Variants in CCNF observed in about 807,000 individuals in gnomAD.
CCNF encodes the protein cyclin F.
A neutral mutation model predicts 85.4 loss-of-function variants in CCNF; 30 were observed. The ratio of observed to expected loss-of-function variants is 0.35; its 90% CI spans 0.26 to 0.48. CCNF has a LOEUF of 0.48. Among genes scored for constraint, CCNF ranks in the 20% least tolerant of loss-of-function variants. The probability of loss-of-function intolerance (pLI) is 0.99; values close to 1 mark genes in which losing one functional copy is unlikely to be tolerated. For synonymous variants in CCNF, 439 were observed against 425.1 expected (o/e 1.03, Z -0.40); for missense variants, 919 against 1,010.4 (o/e 0.91, Z 1.23).
chr16:2,455,057 C>CAAAAA (rs113432361), intron 15 of CCNF, among the ~76,000 whole-genome samples: 6 of 47,234 alleles, frequency 1.3e-4, no homozygotes, highest in Non-Finnish European at 2.7e-4. Context: ...AAGAACACCT[C>CAAAAA]AAAAAAAAAA....
At chr16:2,455,861 G>A (rs903652240) in intron 16 of CCNF, among the ~76,000 whole-genome samples, 2 of 152,254 alleles carry the variant, frequency 1.3e-5, no homozygotes, top group African/African-American at 4.8e-5. Flanking sequence ...GAGGGAGGCA[G>A]AGACCCTGTC....
intron 10 of CCNF, among the ~76,000 whole-genome samples, chr16:2,447,444 C>T (rs1017548886): frequency 5.9e-5 from 9 of 151,848 alleles, no homozygotes; most frequent in African/African-American, 2.2e-4. Context: ...ATTAGCTGGG[C>T]GTGGTGGTGC....
chr16:2,438,244 C>T, intron 6 of CCNF, 121 bp downstream of exon 6: 1 of 804,712 alleles, frequency 1.2e-6, no homozygotes, highest in Non-Finnish European at 2.2e-6. Context: ...AAGCCTTGCC[C>T]AGAAAGGCCT....
chr16:2,454,552 AC>A lies in CCNF; in HGVS notation c.1716-837del, dbSNP rs373303237. On this transcript the variant is annotated intron_variant, in intron 15 of 16. Coordinates refer to ENST00000397066, the MANE Select transcript of CCNF (RefSeq NM_001761.3). ...GGGTGACACTGGGATAGCTCTCTCC[AC>A]CCCCCGCCCTCCACCAGGCCCTGGG... Among the ~76,000 whole-genome samples the A allele has an allele frequency of 1.5e-4, 22 of 151,458 alleles. No individual in the cohort carries two copies. In the South Asian group the frequency reaches 4.2e-3, roughly 29 times the overall value.
In CCNF at chr16:2,457,527, C is replaced by T. The variant is rs753802130; in HGVS notation, c.*507C>T. On this transcript the variant is annotated 3_prime_UTR_variant, in exon 17 of 17. Transcript: ENST00000397066. ...CACCTCGGCCTGCATGGGGCACCCA[C>T]TTCCTTCTGGGTGGGGCTTCCATGG... 6.4e-6 allele frequency: 1 copy of T among 155,598 alleles called. No homozygotes were observed. Among genetic ancestry groups the T allele is most frequent in the Non-Finnish European group, 1.4e-5 (1 of 70,238 alleles). 9.6% of individuals were successfully genotyped at this position (155,598 alleles called of 1,614,324 possible). A position where few individuals can be genotyped will look rare whatever the true frequency, so the allele number is the denominator to read the frequency against.
Position 2,457,276 on chromosome 16 carries a change from G to A in CCNF, c.*256G>A. The A allele has an allele frequency of 2.4e-6, 1 of 420,812 alleles. No homozygotes were observed. The allele number at this position is 420,812 out of a possible 1,614,324, so 26.1% of individuals were successfully genotyped here. On this transcript the variant is annotated 3_prime_UTR_variant, in exon 17 of 17. Coordinates refer to ENST00000397066, the MANE Select transcript of CCNF (RefSeq NM_001761.3). ...AGCAGTTGGCCACACTGTGTGGAGG[G>A]CACCTCTCTGTCCCTTCCGTGTCTC...
rs2065296154 is a variant in CCNF, at chr16:2,437,238, C to T, written c.456C>T (p.Phe152=). 2 of 1,612,628 alleles carry T rather than the reference C, an allele frequency of 1.2e-6. No homozygotes were observed. Among genetic ancestry groups the T allele is most frequent in the Non-Finnish European group, 8.5e-7 (1 of 1,179,544 alleles). The change falls in exon 5 of 17, where the codon TTC becomes TTT. Residue 152 remains phenylalanine, a synonymous_variant. Coordinates refer to ENST00000397066, the MANE Select transcript of CCNF (RefSeq NM_001761.3). ...NVGAAPFIWL[F]IRPPWSVSGS... The stretch of plus-strand genomic sequence containing the variant: ...GTGCCGCACCTTTCATCTGGCTCTT[C>T]ATCCGCCCTCCGTGGTCGGTGAGCG...
intron 10 of CCNF, 97 bp from the exon 11 acceptor site, chr16:2,448,758 C>T: frequency 1.8e-6 from 2 of 1,106,886 alleles, no homozygotes; most frequent in South Asian, 1.5e-5. Flanking sequence ...CCATGGCTCC[C>T]TCCCTACCTT....
At chr16:2,455,772 C>T (rs944398689) in intron 16 of CCNF, among the ~76,000 whole-genome samples, 5 of 152,186 alleles carry the variant, frequency 3.3e-5, no homozygotes, top group Non-Finnish European at 5.9e-5. Flanking sequence ...CAGCTGCTCC[C>T]ACCACACAGG....
rs867216244 is a variant in CCNF at position 2,448,973 on chromosome 16, A to G, written c.1213A>G (p.Ile405Val). ...GEIVSALEGK[I>V]RVPTVVDYKE... is the part of the protein sequence containing the mutation. ...GATCGTCTCCGCCTTGGAAGGGAAG[A>G]TTCGAGTAAGCAGCGGTTCCATTTT... The change falls in exon 11 of 17, where the codon ATT (isoleucine) becomes GTT (valine). Residue 405 changes from isoleucine to valine, a missense_variant. Ile to Val is a conservative substitution (Grantham distance 29). Transcript: ENST00000397066. 6.2e-7 allele frequency: 1 copy of G among 1,610,906 alleles called. No homozygotes were observed. Among genetic ancestry groups the G allele is most frequent in the Non-Finnish European group, 8.5e-7 (1 of 1,178,126 alleles).
intron 3 of CCNF, among the ~76,000 whole-genome samples, chr16:2,433,425 G>A (rs191891396): frequency 1.8e-4 from 28 of 152,196 alleles, no homozygotes; most frequent in Admixed American, 1.2e-3. Flanking sequence ...ATCCTATAGC[G>A]TTTCACTCAC....
chr16:2,458,489 A>G lies in CCNF; in HGVS notation c.*1469A>G, dbSNP rs1326394343. 9.9e-5 allele frequency: 15 copies of G among 152,118 alleles called. No individual in the cohort carries two copies. Among genetic ancestry groups the G allele is most frequent in the Admixed American group, 9.8e-4 (15 of 15,284 alleles). 9.4% of individuals were successfully genotyped at this position (152,118 alleles called of 1,614,324 possible). A position where few individuals can be genotyped will look rare whatever the true frequency, so the allele number is the denominator to read the frequency against. ...AGTCTCGAACTCATGACCTCAAGTG[A>G]TCCGCCCACTTCGGTCTCCCAAAGT... On this transcript the variant is annotated 3_prime_UTR_variant, in exon 17 of 17. Coordinates refer to ENST00000397066, the MANE Select transcript of CCNF (RefSeq NM_001761.3).
chr16:2,452,107 C>T lies in CCNF; in HGVS notation c.1488-1103C>T, dbSNP rs976215428. Among the ~76,000 whole-genome samples, 6 of 152,204 alleles carry T rather than the reference C, an allele frequency of 3.9e-5. No homozygotes were observed. The highest frequency in any genetic ancestry group is 1.4e-4 in the African/African-American group (6 of 41,454). On this transcript the variant is annotated intron_variant, in intron 13 of 16. Coordinates refer to ENST00000397066, the MANE Select transcript of CCNF (RefSeq NM_001761.3). The surrounding 1 kb of genome is among the most constrained non-coding windows in gnomAD (Gnocchi z 4.1). ...GCTTGGGGACTGGAGCTATCCGTGGCGGCTGCCCGGCCTCCTGGAACACTG... is the reference window on the plus strand; with the variant it reads ...GCTTGGGGACTGGAGCTATCCGTGGTGGCTGCCCGGCCTCCTGGAACACTG...
intron 8 of CCNF, among the ~76,000 whole-genome samples, chr16:2,443,016 TTA>T (rs964536844): frequency 1.7e-5 from 2 of 116,806 alleles, no homozygotes; most frequent in Non-Finnish European, 3.3e-5. Flanking sequence ...TATAATTATA[TTA>T]TATGTTCTAT....
chr16:2,441,009 G>A (rs1045241608), intron 8 of CCNF, among the ~76,000 whole-genome samples: 4 of 152,042 alleles, frequency 2.6e-5, no homozygotes, highest in African/African-American at 9.7e-5. Flanking sequence ...TGAGGCGGGC[G>A]GATCACGAGG....
At chr16:2,448,128 C>G (rs184746860) in intron 10 of CCNF, among the ~76,000 whole-genome samples, 4 of 152,332 alleles carry the variant, frequency 2.6e-5, no homozygotes, top group Admixed American at 6.5e-5. Flanking sequence ...CACACAGTGC[C>G]GGGCACAGAC....
chr16:2,454,444 G>GC (rs761385812), intron 15 of CCNF, among the ~76,000 whole-genome samples: 2 of 152,200 alleles, frequency 1.3e-5, no homozygotes, highest in Admixed American at 6.5e-5. Flanking sequence ...CCTGGCCCTG[G>GC]CCCTGTGCTC....
chr16:2,430,984 A>C, intron 1 of CCNF, 146 bp from the exon 2 acceptor site: 1 of 861,318 alleles, frequency 1.2e-6, no homozygotes, highest in East Asian at 2.4e-5. Context: ...TGGGACAAGA[A>C]GCATAGTTCC....
rs2065439878 is a variant in CCNF at position 2,458,008 on chromosome 16, C to T, written c.*988C>T. 1 of 152,280 alleles carries T rather than the reference C, an allele frequency of 6.6e-6. No individual in the cohort carries two copies. Among genetic ancestry groups the T allele is most frequent in the Non-Finnish European group, 1.5e-5 (1 of 68,076 alleles). 9.4% of individuals were successfully genotyped at this position (152,280 alleles called of 1,614,324 possible). Reference sequence around the variant, plus strand: ...GTCCTGGCTGATCCCAACTGCAGCTCTGCTGTGGGGGCCCGTGGGAGGGAG... The same window carrying T: ...GTCCTGGCTGATCCCAACTGCAGCTTTGCTGTGGGGGCCCGTGGGAGGGAG... On this transcript the variant is annotated 3_prime_UTR_variant, in exon 17 of 17. Transcript: ENST00000397066.
Sources: gnomAD v4.1 joint callset for allele counts (sites outside exome capture counted in the v4.1 genomes callset) on GRCh38, gnomAD v4.1.1 for gene constraint, Gnocchi (gnomAD v3.1) non-coding constraint, MANE v1.5 for transcripts, NCBI Gene and HGNC (gene_info 2026-07-23, HGNC 2026-07-21) for gene names.